The following TRPC3 variants were observed in gnomAD, a reference collection of about 807,000 sequenced individuals.
TRPC3 encodes short transient receptor potential channel 3.
Under a neutral mutation model 90.9 loss-of-function variants are expected in TRPC3, and 54 were observed. That is an observed-to-expected ratio of 0.59 (90% CI 0.48 to 0.75). The LOEUF (loss-of-function observed/expected upper bound fraction) is 0.75, where lower values mean the gene tolerates loss of function less well. TRPC3 is among the 30% of genes least tolerant of loss of function. TRPC3 has a pLI of 0.00. For synonymous variants in TRPC3, 424 were observed against 450.9 expected (o/e 0.94, Z 0.75); for missense variants, 918 against 1,194.5 (o/e 0.77, Z 3.41).
intron 3 of TRPC3, among the ~76,000 whole-genome samples, chr4:121,919,144 G>C (rs1240650317): frequency 6.6e-6 from 1 of 152,192 alleles, no homozygotes; most frequent in Non-Finnish European, 1.5e-5. Flanking sequence ...CAACTGAAAT[G>C]TTTTTTCTTG....
intron 7 of TRPC3, among the ~76,000 whole-genome samples, chr4:121,905,918 T>C (rs1192662409): frequency 1.3e-5 from 2 of 152,064 alleles, no homozygotes; most frequent in South Asian, 2.1e-4. Context: ...AAAACTATAA[T>C]CTTTTTGTTC....
chr4:121,912,134 T>C (rs758702190), intron 4 of TRPC3, 41 bp from the exon 5 acceptor site: 4 of 1,580,388 alleles, frequency 2.5e-6, no homozygotes, highest in South Asian at 2.3e-5. Context: ...TCAGAAAATC[T>C]GGCTTTCACT....
chr4:121,932,915 G>T lies in TRPC3; in HGVS notation c.343C>A (p.Arg115Ser). 1.2e-6 allele frequency: 2 copies of T among 1,614,066 alleles called. No homozygotes were observed. The highest frequency in any genetic ancestry group is 8.5e-7 in the Non-Finnish European group (1 of 1,179,988). ...RGTSLTAEEERFLDAAEYGNI... is the reference protein window; with the variant it reads ...RGTSLTAEEESFLDAAEYGNI... ...CCGTACTCGGCGGCGTCGAGGAAGC[G>T]CTCCTCCTCGGCGGTGAGGCTGGTG... The change falls in exon 2 of 12, where the codon CGC (arginine) becomes AGC (serine). Residue 115 changes from arginine to serine, a missense_variant. Transcript: ENST00000379645. The surrounding 1 kb of genome is among the most constrained non-coding windows in gnomAD (Gnocchi z 7.7).
rs188335827 is a variant in TRPC3, at chr4:121,929,929, C to G, written c.987+2342G>C. Among the ~76,000 whole-genome samples, 153 of 151,998 alleles carry G rather than the reference C, an allele frequency of 1.0e-3. 1 individual carries two copies. In the Middle Eastern group the frequency reaches 0.034, roughly 34 times the overall value. ...CAAAGTCCCCATGGGAAGAATATAG[C>G]GAACACCATGGAATAGGGCAAATTA... On this transcript the variant is annotated intron_variant, in intron 2 of 11. Coordinates refer to ENST00000379645, the MANE Select transcript of TRPC3 (RefSeq NM_001130698.2).
At chr4:121,935,951 C>A (rs1454103908) in intron 1 of TRPC3, among the ~76,000 whole-genome samples, 1 of 152,052 alleles carries the variant, frequency 6.6e-6, no homozygotes, top group East Asian at 1.9e-4. Flanking sequence ...CTTCTTATTC[C>A]TTCAAAAGCT....
intron 1 of TRPC3, among the ~76,000 whole-genome samples, chr4:121,948,118 C>T (rs1252263942): frequency 1.3e-5 from 2 of 151,826 alleles, no homozygotes; most frequent in African/African-American, 2.4e-5. Context: ...CTTGTATTTC[C>T]TTTTCCCTGC....
At chr4:121,909,519 G>C (rs540509072) in intron 6 of TRPC3, among the ~76,000 whole-genome samples, 3 of 152,032 alleles carry the variant, frequency 2.0e-5, no homozygotes, top group East Asian at 3.9e-4. Flanking sequence ...TGGTTTGTAC[G>C]GGGCAAGGAA....
chr4:121,914,892 T>C lies in TRPC3; in HGVS notation c.1229A>G (p.Asn410Ser). The change falls in exon 4 of 12, where the codon AAC (asparagine) becomes AGC (serine). Residue 410 changes from asparagine (N) to serine (S), a missense_variant. Around this residue, in one of 4 missense-constraint regions of TRPC3, gnomAD observed 609 missense variants for 725.9 expected, o/e 0.84. Coordinates refer to ENST00000379645, the MANE Select transcript of TRPC3 (RefSeq NM_001130698.2). ...GGTCTGCTCCCTTAGGCCTGAGAGG[T>C]TCTCATACCAGATCGTCAAGAGCTG... Reference protein sequence around the residue: ...QQQLLTIWYENLSGLREQTIA... With the variant: ...QQQLLTIWYESLSGLREQTIA... The C allele has an allele frequency of 6.2e-7, 1 of 1,612,290 alleles. No individual in the cohort carries two copies. The highest frequency in any genetic ancestry group is 8.5e-7 in the Non-Finnish European group (1 of 1,178,680).
rs1291664996 is a variant in TRPC3 at position 121,932,826 on chromosome 4, G to A, written c.432C>T (p.Asp144=). 6.2e-7 allele frequency: 1 copy of A among 1,609,858 alleles called. No homozygotes were observed. The highest frequency in any genetic ancestry group is 1.7e-5 in the Admixed American group (1 of 59,886). ...GCTGCAGCGCGTTCTGGCCCATGTAGTCCACGCAGTTGACGTTCAGCGTCT... is the reference window on the plus strand; with the variant it reads ...GCTGCAGCGCGTTCTGGCCCATGTAATCCACGCAGTTGACGTTCAGCGTCT... ...ESKTLNVNCV[D]YMGQNALQLA... is the part of the protein sequence containing the mutation. Residue 144 remains aspartate (D), a synonymous_variant, in exon 2 of 12, where the codon GAC becomes GAT. Coordinates refer to ENST00000379645, the MANE Select transcript of TRPC3 (RefSeq NM_001130698.2). This position sits in a 1 kb window ranked among gnomAD's most constrained non-coding sequence, Gnocchi z 7.7.
chr4:121,932,967 GC>G lies in TRPC3; in HGVS notation c.290del (p.Gly97AlafsTer42). 1 of 1,612,278 alleles carries G rather than the reference GC, an allele frequency of 6.2e-7. No homozygotes were observed. Among genetic ancestry groups the G allele is most frequent in the Non-Finnish European group, 8.5e-7 (1 of 1,178,952 alleles). ...CGCGGTCATTGAACATGAAGGCCGG[GC>G]CCCTGACAGCCTGGCGCCGGCCCTT... ...REKGRRQAVR[G>X]PAFMFNDRGT... On this transcript the variant is annotated frameshift_variant, in exon 2 of 12. Transcript: ENST00000379645. LOFTEE classifies it high-confidence loss of function. The surrounding 1 kb of genome is among the most constrained non-coding windows in gnomAD (Gnocchi z 7.7).
chr4:121,925,012 A>G lies in TRPC3; in HGVS notation c.1176+6T>C. The G allele has an allele frequency of 6.2e-7, 1 of 1,608,956 alleles. No homozygotes were observed. The highest frequency in any genetic ancestry group is 8.5e-7 in the Non-Finnish European group (1 of 1,177,558). ...TATGGCACTAGATGAAAGTAGGCCC[A>G]CTCACCTTTTTGACTTCATACTTAA... On this transcript the variant is annotated splice_donor_region_variant and intron_variant, in intron 3 of 11. Transcript: ENST00000379645.
At chr4:121,900,047 A>G (rs1016477659) in intron 9 of TRPC3, among the ~76,000 whole-genome samples, 1 of 152,188 alleles carries the variant, frequency 6.6e-6, no homozygotes, top group Non-Finnish European at 1.5e-5. Context: ...TAGAAGTTTG[A>G]TCTGTTCCTG....
intron 10 of TRPC3, among the ~76,000 whole-genome samples, chr4:121,892,545 G>A (rs528466868): frequency 2.1e-3 from 319 of 152,186 alleles, no homozygotes; most frequent in Non-Finnish European, 3.6e-3. Context: ...GACATTGTTA[G>A]GTACCACATT....
At chr4:121,907,161 C>G in intron 7 of TRPC3, 142 bp downstream of exon 7, 1 of 782,944 alleles carries the variant, frequency 1.3e-6, no homozygotes, top group Non-Finnish European at 2.0e-6. Context: ...ATATAATCAA[C>G]ACAAGCACTA....
chr4:121,876,143 C>T lies in TRPC3; in HGVS notation c.*3593G>A, dbSNP rs999713199. ...CGAACTCCTGAACTGAAGCCATCGA[C>T]CTGCTTCAACGTCCCAAAGTGCTGC... On this transcript the variant is annotated 3_prime_UTR_variant, in exon 12 of 12. Transcript: ENST00000379645. Among the ~76,000 whole-genome samples the T allele has an allele frequency of 5.9e-5, 9 of 152,066 alleles. No individual in the cohort carries two copies. Among genetic ancestry groups the T allele is most frequent in the East Asian group, 3.9e-4 (2 of 5,154 alleles).
At chr4:121,915,450 A>G (rs935243511) in intron 3 of TRPC3, among the ~76,000 whole-genome samples, 5 of 152,248 alleles carry the variant, frequency 3.3e-5, no homozygotes, top group Admixed American at 2.6e-4. Context: ...ATTATGTACT[A>G]TTACTGCAAA....
At chr4:121,892,900 C>A (rs1457690684) in intron 10 of TRPC3, among the ~76,000 whole-genome samples, 2 of 151,852 alleles carry the variant, frequency 1.3e-5, no homozygotes, top group African/African-American at 4.8e-5. Context: ...GCAAGTGGAT[C>A]ACTTGAGGTC....
At chr4:121,894,818 C>T (rs1034880056) in intron 10 of TRPC3, among the ~76,000 whole-genome samples, 24 of 152,100 alleles carry the variant, frequency 1.6e-4, no homozygotes, top group Admixed American at 1.3e-3. Flanking sequence ...TCTGCCTTGG[C>T]CTTCCAAGGC....
chr4:121,908,156 G>A (rs1189445180), intron 6 of TRPC3, among the ~76,000 whole-genome samples: 1 of 152,154 alleles, frequency 6.6e-6, no homozygotes, highest in Non-Finnish European at 1.5e-5. Context: ...GATTCAGAAT[G>A]AGGACCCCTA....
Sources: allele counts gnomAD v4.1 joint callset (sites outside exome capture counted in the v4.1 genomes callset), GRCh38; gene constraint gnomAD v4.1.1; regional missense constraint gnomAD v4.1.1; non-coding constraint Gnocchi (gnomAD v3.1); transcripts MANE v1.5; gene names NCBI Gene and HGNC (gene_info 2026-07-23, HGNC 2026-07-21).